The following TARBP1 variants were observed in gnomAD, a reference collection of about 807,000 sequenced individuals.
The protein encoded by TARBP1 is tRNA guanosine 2 -O-methyltransferase TARBP1.
TARBP1 carries 144 observed loss-of-function variants against 178.6 expected under a neutral mutation model. That is an observed-to-expected ratio of 0.81 (90% CI 0.70 to 0.93). TARBP1 has a LOEUF of 0.93. Among genes scored for constraint, TARBP1 ranks in the 40% least tolerant of loss-of-function variants. TARBP1 has a pLI of 0.00. For missense variants in TARBP1, 2,067 were observed against 2,011.7 expected, an observed-to-expected ratio of 1.03 and a Z score of -0.53; for synonymous variants, 787 against 781.0, an observed-to-expected ratio of 1.01 and a Z score of -0.13.
chr1:234,393,588 A>T, intron 27 of TARBP1, 58 bp downstream of exon 27: 6 of 1,581,578 alleles, frequency 3.8e-6, no homozygotes, highest in Non-Finnish European at 5.2e-6. Context: ...TGGATTAATT[A>T]AAAAATGTTG....
chr1:234,471,314 G>A lies in TARBP1; in HGVS notation c.1030-57C>T, dbSNP rs984225572. Reference sequence around the variant, plus strand: ...TGAAAATGCATCTTGAAAAATGTCAGGCAATTTTCATCTCTTTATTTCACA... The same window carrying A: ...TGAAAATGCATCTTGAAAAATGTCAAGCAATTTTCATCTCTTTATTTCACA... On this transcript the variant is annotated intron_variant, in intron 2 of 29. Coordinates refer to ENST00000040877, the MANE Select transcript of TARBP1 (RefSeq NM_005646.4). The A allele has an allele frequency of 1.1e-4, 130 of 1,176,344 alleles. 1 individual carries two copies. Among genetic ancestry groups the A allele is most frequent in the Admixed American group, 2.8e-4 (13 of 46,888 alleles). 72.9% of individuals were successfully genotyped at this position (1,176,344 alleles called of 1,614,324 possible).
At chr1:234,478,029 G>C (rs1669728772) in intron 1 of TARBP1, 144 bp downstream of exon 1, 3 of 768,956 alleles carry the variant, frequency 3.9e-6, no homozygotes. Flanking sequence ...AAGGTTTTCA[G>C]GCTTTAGGGG....
In TARBP1 at chr1:234,429,500, C is replaced by G; in HGVS notation, c.2787G>C (p.Leu929Phe). ...LPAVQMPIRT[L>F]QSALEALTVL... ...CTGTGAGGGCTTCTAGTGCAGACTGCAAAGTCCTTATTGGCATCTGAACGG... is the reference window on the plus strand; with the variant it reads ...CTGTGAGGGCTTCTAGTGCAGACTGGAAAGTCCTTATTGGCATCTGAACGG... Residue 929 changes from leucine to phenylalanine, a missense_variant, in exon 16 of 30, where the codon TTG (leucine) becomes TTC (phenylalanine). Transcript: ENST00000040877. The G allele has an allele frequency of 6.2e-7, 1 of 1,614,196 alleles. No individual in the cohort carries two copies.
At chr1:234,453,685 C>A (rs1667012544) in intron 9 of TARBP1, among the ~76,000 whole-genome samples, 3 of 151,856 alleles carry the variant, frequency 2.0e-5, no homozygotes, top group Non-Finnish European at 4.4e-5. Context: ...CACTACATAA[C>A]AAAAGTTATA....
chr1:234,437,303 C>A lies in TARBP1; in HGVS notation c.2204G>T (p.Arg735Ile). ...TTESISEFIL[R>I]RLTMNELNSV... ...ATTTAGCTCATTCATAGTAAGTCTTCTGAGAATAAATTCAGAAATGCTCTC... is the reference window on the plus strand; with the variant it reads ...ATTTAGCTCATTCATAGTAAGTCTTATGAGAATAAATTCAGAAATGCTCTC... Residue 735 changes from arginine (R) to isoleucine (I), a missense_variant, in exon 13 of 30, where the codon AGA becomes ATA. Arg to Ile is a moderately conservative substitution (Grantham distance 97). Transcript: ENST00000040877. 1 of 1,587,334 alleles carries A rather than the reference C, an allele frequency of 6.3e-7. No homozygotes were observed. Among genetic ancestry groups the A allele is most frequent in the Non-Finnish European group, 8.6e-7 (1 of 1,164,140 alleles).
Position 234,450,518 on chromosome 1 carries a change from T to G in TARBP1, c.1771A>C (p.Thr591Pro). The G allele has an allele frequency of 6.2e-7, 1 of 1,611,972 alleles. No individual in the cohort carries two copies. Among genetic ancestry groups the G allele is most frequent in the South Asian group, 1.1e-5 (1 of 90,680 alleles). ...VNESYFKPSP[T>P]CSSIGLHKTS... is the part of the protein sequence containing the mutation. ...TTGTGAAGTCCAATGGAGCTACACG[T>G]AGGGGATGGCTTAAAATAGCTTTCA... The change falls in exon 10 of 30, where the codon ACG becomes CCG. Residue 591 changes from threonine to proline, a missense_variant. Thr to Pro is a conservative substitution (Grantham distance 38). Coordinates refer to ENST00000040877, the MANE Select transcript of TARBP1 (RefSeq NM_005646.4).
chr1:234,472,511 A>C (rs1238000049), intron 2 of TARBP1, among the ~76,000 whole-genome samples: 2 of 152,114 alleles, frequency 1.3e-5, no homozygotes, highest in African/African-American at 4.8e-5. Context: ...ATTTTTGAAT[A>C]ATTTGTCAAC....
At chr1:234,429,974 C>T in intron 15 of TARBP1, 113 bp downstream of exon 15, 2 of 1,095,476 alleles carry the variant, frequency 1.8e-6, no homozygotes, top group Non-Finnish European at 1.3e-6. Context: ...CACTTTCATC[C>T]TGAATGGAGC....
chr1:234,472,868 TC>T, intron 1 of TARBP1, 57 bp from the exon 2 acceptor site: 1 of 1,281,788 alleles, frequency 7.8e-7, no homozygotes, highest in Admixed American at 2.1e-5. Context: ...CATAAGTTTC[TC>T]AATGACAGCA....
chr1:234,426,994 TAA>T (rs1558188373), intron 19 of TARBP1, among the ~76,000 whole-genome samples: 2 of 152,218 alleles, frequency 1.3e-5, no homozygotes, highest in African/African-American at 4.8e-5. Flanking sequence ...GACTGGAGAA[TAA>T]AGTGTCTGTG....
chr1:234,418,260 A>T (rs752409108), intron 21 of TARBP1, 27 bp from the exon 22 acceptor site: 2 of 1,525,490 alleles, frequency 1.3e-6, no homozygotes, highest in South Asian at 2.7e-5. Context: ...ACAATTAACC[A>T]GTTACAGTTA....
chr1:234,438,315 C>T lies in TARBP1; in HGVS notation c.2135-943G>A, dbSNP rs73101950. Among the ~76,000 whole-genome samples, 1,093 of 152,160 alleles carry T rather than the reference C, an allele frequency of 7.2e-3. 8 individuals carry two copies. Among genetic ancestry groups the T allele is most frequent in the African/African-American group, 0.025 (1,044 of 41,510 alleles). On this transcript the variant is annotated intron_variant, in intron 12 of 29. Coordinates refer to ENST00000040877, the MANE Select transcript of TARBP1 (RefSeq NM_005646.4). Reference sequence around the variant, plus strand: ...TGGAAAAAAAAATCTAGAGATAACACCAATAAGATGACTTGGGTGTTAGAA... The same window carrying T: ...TGGAAAAAAAAATCTAGAGATAACATCAATAAGATGACTTGGGTGTTAGAA...
At chr1:234,410,566 A>C (rs1025684530) in intron 22 of TARBP1, 35 bp from the exon 23 acceptor site, 1 of 1,328,870 alleles carries the variant, frequency 7.5e-7, no homozygotes, top group African/African-American at 1.4e-5. Flanking sequence ...ATATTGATTC[A>C]AAGCTTACTG....
At chr1:234,465,828 C>G in intron 4 of TARBP1, 120 bp from the exon 5 acceptor site, 1 of 864,924 alleles carries the variant, frequency 1.2e-6, no homozygotes, top group Non-Finnish European at 1.7e-6. Context: ...ATAAGCAAAG[C>G]TGATCTCTTA....
chr1:234,410,348 C>A, intron 23 of TARBP1, 97 bp downstream of exon 23: 1 of 704,564 alleles, frequency 1.4e-6, no homozygotes, highest in Admixed American at 3.1e-5. Context: ...GGAAAAATTG[C>A]AAACATTCAC....
At chr1:234,401,402 C>G in intron 24 of TARBP1, 140 bp from the exon 25 acceptor site, 1 of 604,196 alleles carries the variant, frequency 1.7e-6, no homozygotes, top group Non-Finnish European at 3.0e-6. Flanking sequence ...AAGATTTATA[C>G]ACACCTCTCC....
At chr1:234,476,830 T>C (rs1417518241) in intron 1 of TARBP1, among the ~76,000 whole-genome samples, 1 of 152,262 alleles carries the variant, frequency 6.6e-6, no homozygotes, top group Non-Finnish European at 1.5e-5. Context: ...GGATTTGCTT[T>C]CTGTAACAGA....
At chr1:234,433,614 A>G (rs966052957) in intron 13 of TARBP1, 43 bp from the exon 14 acceptor site, 1 of 1,557,070 alleles carries the variant, frequency 6.4e-7, no homozygotes, top group Non-Finnish European at 8.7e-7. Flanking sequence ...AGCAAGGTCC[A>G]TGATTTTCAC....
intron 22 of TARBP1, among the ~76,000 whole-genome samples, chr1:234,413,240 A>T (rs1662052641): frequency 6.6e-6 from 1 of 152,170 alleles, no homozygotes. Flanking sequence ...AAAAAAAAGC[A>T]GTGGCTCACG....
Sources: allele counts gnomAD v4.1 joint callset (sites outside exome capture counted in the v4.1 genomes callset), GRCh38; gene constraint gnomAD v4.1.1; transcripts MANE v1.5; gene names NCBI Gene and HGNC (gene_info 2026-07-23, HGNC 2026-07-21).